Variants in RPS3 observed in about 807,000 individuals in gnomAD.
The protein encoded by RPS3 is small ribosomal subunit protein uS3.
Under a neutral mutation model 25.8 loss-of-function variants are expected in RPS3, and 2 were observed. The ratio of observed to expected loss-of-function variants is 0.08; its 90% CI spans 0.03 to 0.24. The LOEUF (loss-of-function observed/expected upper bound fraction) is 0.24. Among genes scored for constraint, RPS3 ranks in the 10% least tolerant of loss-of-function variants. The pLI is 1.00. For synonymous variants in RPS3, 114 were observed against 114.2 expected (o/e 1.00, Z 0.01); for missense variants, 107 against 307.1 (o/e 0.35, Z 4.87).
At chr11:75,416,460 A>ATTTTT (rs1180090052) in intron 6 of RPS3, among the ~76,000 whole-genome samples, 8 of 132,802 alleles carry the variant, frequency 6.0e-5, no homozygotes, top group African/African-American at 2.3e-4. Context: ...GATTATTTCT[A>ATTTTT]TTTTTTTTTT....
At chr11:75,403,782 T>C in intron 4 of RPS3, 1 of 435,298 alleles carries the variant, frequency 2.3e-6, no homozygotes, top group Non-Finnish European at 4.1e-6. Context: ...CCTTCTGAGG[T>C]GATTCCAGTA....
rs2135055962 is a variant in RPS3, at chr11:75,404,062, C to T, written c.393C>T (p.Ala131=). Residue 131 remains alanine, a synonymous_variant, in exon 5 of 7, where the codon GCC becomes GCT. Coordinates refer to ENST00000531188, the MANE Select transcript of RPS3 (RefSeq NM_001005.5). The surrounding 1 kb of genome is among the most constrained non-coding windows in gnomAD (Gnocchi z 4.6). The part of the protein sequence containing the change: ...GVLRFIMESG[A]KGCEVVVSGK... ...TGCGGTTCATCATGGAGAGTGGGGC[C>T]AAAGGCTGCGAGGTTGTGGTGTCTG... 2 of 1,613,214 alleles carry T rather than the reference C, an allele frequency of 1.2e-6. No homozygotes were observed. Among genetic ancestry groups the T allele is most frequent in the East Asian group, 4.5e-5 (2 of 44,886 alleles).
At chr11:75,415,196 G>C (rs1212153324) in intron 6 of RPS3, among the ~76,000 whole-genome samples, 1 of 152,224 alleles carries the variant, frequency 6.6e-6, no homozygotes, top group Non-Finnish European at 1.5e-5. Flanking sequence ...GCTGAGCATT[G>C]CAGTCAGACC....
intron 6 of RPS3, among the ~76,000 whole-genome samples, chr11:75,417,490 G>A (rs563007517): frequency 4.6e-5 from 7 of 152,172 alleles, no homozygotes; most frequent in Admixed American, 6.5e-5. Flanking sequence ...CCAGCTACTC[G>A]GGAGGCTGAG....
intron 1 of RPS3, 70 bp from the exon 2 acceptor site, chr11:75,400,619 TAAGAC>T: frequency 1.3e-6 from 2 of 1,587,016 alleles, no homozygotes; most frequent in South Asian, 2.2e-5. Flanking sequence ...CATTGACTAA[TAAGAC>T]TAGACTGGCT....
At chr11:75,411,366 A>G (rs1259238230), downstream of RPS3, among the ~76,000 whole-genome samples, 1 of 151,922 alleles carries the variant, frequency 6.6e-6, no homozygotes, top group Non-Finnish European at 1.5e-5. Context: ...GAAAAGTACT[A>G]GCAAGTATTT....
intron 6 of RPS3, among the ~76,000 whole-genome samples, chr11:75,415,127 C>A (rs979514010): frequency 6.6e-6 from 1 of 152,118 alleles, no homozygotes; most frequent in Non-Finnish European, 1.5e-5. Flanking sequence ...GGTGGTGAGG[C>A]GAGTGGGAAC....
chr11:75,400,862 A>G (rs1026762758), intron 2 of RPS3, 38 bp downstream of exon 2: 1 of 1,592,356 alleles, frequency 6.3e-7, no homozygotes. Context: ...TATAATTGTT[A>G]TAAATGCTAA....
chr11:75,400,461 G>C (rs1464013251), intron 1 of RPS3: 1 of 614,520 alleles, frequency 1.6e-6, no homozygotes, highest in African/African-American at 1.8e-5. Flanking sequence ...ACTCTGTGCT[G>C]CGTTCTGTGG....
At chr11:75,421,962 T>C (rs2135076123) in exon 7 of RPS3, 1 of 152,342 alleles carries the variant, frequency 6.6e-6, no homozygotes, top group East Asian at 1.9e-4. Context: ...GCATGAAATA[T>C]TTTATAGTTT....
chr11:75,404,304 C>G lies in RPS3; in HGVS notation c.538+97C>G. On this transcript the variant is annotated intron_variant, in intron 5 of 6. Transcript: ENST00000531188. This position sits in a 1 kb window ranked among gnomAD's most constrained non-coding sequence, Gnocchi z 4.6. ...TTGGGGGAGTTTATCATGGAAGTAGCTGGGCATGTTCATATTCCTTGGTGT... is the reference window on the plus strand; with the variant it reads ...TTGGGGGAGTTTATCATGGAAGTAGGTGGGCATGTTCATATTCCTTGGTGT... 2.6e-6 allele frequency: 3 copies of G among 1,135,240 alleles called. No homozygotes were observed. Among genetic ancestry groups the G allele is most frequent in the Non-Finnish European group, 3.9e-6 (3 of 763,138 alleles). The allele number at this position is 1,135,240 out of a possible 1,614,324, so 70.3% of individuals were successfully genotyped here.
chr11:75,399,876 GGGC>G (rs1437762237), intron 1 of RPS3: 1 of 516,218 alleles, frequency 1.9e-6, no homozygotes, highest in African/African-American at 2.0e-5. Context: ...GGTATTTTGA[GGGC>G]GTGTGTCATT....
Position 75,404,661 on chromosome 11 carries a change from G to T in RPS3, c.539-11G>T. ...CCCCAGCTGTGTGCTAACAACTGTG[G>T]TGTCCTCTAGGTGTGCTGGGCATCA... On this transcript the variant is annotated splice_polypyrimidine_tract_variant and intron_variant, in intron 5 of 6. Coordinates refer to ENST00000531188, the MANE Select transcript of RPS3 (RefSeq NM_001005.5). This position sits in a 1 kb window ranked among gnomAD's most constrained non-coding sequence, Gnocchi z 4.6. The T allele has an allele frequency of 6.2e-7, 1 of 1,605,592 alleles. No individual in the cohort carries two copies.
At chr11:75,402,976 T>A (rs932610543) in intron 4 of RPS3, 6 of 152,324 alleles carry the variant, frequency 3.9e-5, no homozygotes, top group African/African-American at 1.4e-4. Flanking sequence ...TCTAGACACT[T>A]AACCTCTGAG....
chr11:75,418,511 AAAAT>A (rs1948419314), intron 6 of RPS3, among the ~76,000 whole-genome samples: 1 of 152,216 alleles, frequency 6.6e-6, no homozygotes, highest in Non-Finnish European at 1.5e-5. Context: ...AATTTTTTAA[AAAAT>A]AAAGTACAGG....
downstream of RPS3, among the ~76,000 whole-genome samples, chr11:75,410,743 G>T (rs568875007): frequency 1.8e-3 from 274 of 152,350 alleles, 1 homozygote; most frequent in Middle Eastern, 6.8e-3. Flanking sequence ...CGGCACCTCG[G>T]GAGGCCGAGG....
intron 2 of RPS3, 72 bp downstream of exon 2, chr11:75,400,896 T>G (rs1948199962): frequency 1.3e-6 from 2 of 1,512,858 alleles, no homozygotes; most frequent in Non-Finnish European, 1.8e-6. Context: ...TTTATTTATT[T>G]TTTTGAGACG....
At chr11:75,409,456 AC>A (rs1297677179), downstream of RPS3, among the ~76,000 whole-genome samples, 2 of 129,174 alleles carry the variant, frequency 1.5e-5, no homozygotes, top group Non-Finnish European at 3.2e-5. Context: ...AATCCATTTA[AC>A]CCTGAGTGGA....
In RPS3 at chr11:75,405,632, A is replaced by G. The variant is rs1260743812; in HGVS notation, c.*22A>G. ...GTTTCAGGGTCTCCTTGGCAGCTGT[A>G]TTCTGGAGTCTGGATGTTGCTCTCT... On this transcript the variant is annotated 3_prime_UTR_variant, in exon 7 of 7. Coordinates refer to ENST00000531188, the MANE Select transcript of RPS3 (RefSeq NM_001005.5). 2.2e-6 allele frequency: 1 copy of G among 456,142 alleles called. No individual in the cohort carries two copies. Among genetic ancestry groups the G allele is most frequent in the Non-Finnish European group, 4.4e-6 (1 of 226,940 alleles). 28.3% of individuals were successfully genotyped at this position (456,142 alleles called of 1,614,324 possible).
Sources: gnomAD v4.1 joint callset for allele counts (sites outside exome capture counted in the v4.1 genomes callset) on GRCh38, gnomAD v4.1.1 for gene constraint, Gnocchi (gnomAD v3.1) non-coding constraint, MANE v1.5 for transcripts, NCBI Gene and HGNC (gene_info 2026-07-23, HGNC 2026-07-21) for gene names.